ANKS1B: variants seen among roughly 807,000 people sequenced by gnomAD.
ANKS1B encodes ankyrin repeat and sterile alpha motif domain-containing protein 1B.
ANKS1B carries 36 observed loss-of-function variants against 148.3 expected under a neutral mutation model. The observed-to-expected ratio is 0.24, with a 90% CI of 0.19 to 0.32. The LOEUF (loss-of-function observed/expected upper bound fraction) is 0.32, where lower values mean the gene tolerates loss of function less well. ANKS1B is among the 10% of genes least tolerant of loss of function. The pLI, the probability that ANKS1B is intolerant of heterozygous loss-of-function variation, is 1.00. For missense variants in ANKS1B, 1,157 were observed against 1,542.6 expected, an observed-to-expected ratio of 0.75 and a Z score of 4.19; for synonymous variants, 542 against 560.8, an observed-to-expected ratio of 0.97 and a Z score of 0.47.
intron 17 of ANKS1B, among the ~76,000 whole-genome samples, chr12:99,040,574 C>T (rs545940940): frequency 1.3e-5 from 2 of 152,282 alleles, no homozygotes; most frequent in South Asian, 2.1e-4. Context: ...TATAAAATAA[C>T]AGGAACTGGT....
intron 1 of ANKS1B, among the ~76,000 whole-genome samples, chr12:99,895,961 A>G (rs2093368601): frequency 6.6e-6 from 1 of 150,938 alleles, no homozygotes; most frequent in Non-Finnish European, 1.5e-5. Context: ...TGCATTGGCT[A>G]TTTTTTAATT....
At chr12:98,979,540 G>A (rs1263082123) in intron 17 of ANKS1B, among the ~76,000 whole-genome samples, 1 of 152,128 alleles carries the variant, frequency 6.6e-6, no homozygotes, top group Non-Finnish European at 1.5e-5. Flanking sequence ...CAAAGTGCTG[G>A]GATTACAGGC....
intron 14 of ANKS1B, among the ~76,000 whole-genome samples, chr12:99,177,900 T>C (rs1344543515): frequency 6.6e-6 from 1 of 152,244 alleles, no homozygotes. Flanking sequence ...ATATTCATGG[T>C]TAACTTCAAT....
At chr12:99,010,746 T>C (rs1298652271) in intron 17 of ANKS1B, among the ~76,000 whole-genome samples, 1 of 130,278 alleles carries the variant, frequency 7.7e-6, no homozygotes, top group African/African-American at 3.4e-5. Context: ...ATTATTATTA[T>C]TATTATTATT....
chr12:99,323,168 A>C (rs982686298), intron 12 of ANKS1B, among the ~76,000 whole-genome samples: 1 of 152,186 alleles, frequency 6.6e-6, no homozygotes, highest in African/African-American at 2.4e-5. Context: ...ATACTGATAT[A>C]TCCTCTTTTA....
At chr12:98,871,817 A>C (rs2099670849) in intron 17 of ANKS1B, among the ~76,000 whole-genome samples, 1 of 152,202 alleles carries the variant, frequency 6.6e-6, no homozygotes, top group Non-Finnish European at 1.5e-5. Flanking sequence ...AGCAACGTGA[A>C]ATCTCATCAC....
At chr12:98,869,230 T>A (rs1282056424) in intron 17 of ANKS1B, among the ~76,000 whole-genome samples, 1 of 152,228 alleles carries the variant, frequency 6.6e-6, no homozygotes, top group Non-Finnish European at 1.5e-5. Context: ...CAGTGCTTGA[T>A]GCATGCTTGG....
intron 17 of ANKS1B, among the ~76,000 whole-genome samples, chr12:98,929,026 T>C (rs1340989799): frequency 6.7e-6 from 1 of 149,304 alleles, no homozygotes; most frequent in African/African-American, 2.5e-5. Flanking sequence ...GTGATCGTTA[T>C]ATAGAAAACC....
chr12:99,434,722 C>A (rs1446933609), intron 11 of ANKS1B, among the ~76,000 whole-genome samples: 2 of 151,960 alleles, frequency 1.3e-5, no homozygotes, highest in Non-Finnish European at 2.9e-5. Context: ...ACTCAATTTT[C>A]TTTTGTTTCT....
chr12:99,811,410 T>C (rs1313264695), intron 3 of ANKS1B, among the ~76,000 whole-genome samples: 2 of 151,996 alleles, frequency 1.3e-5, no homozygotes, highest in Middle Eastern at 3.4e-3. Flanking sequence ...TTTTACAAAA[T>C]GGGAACAGTA....
At chr12:99,376,310 G>T (rs1021994420) in intron 12 of ANKS1B, among the ~76,000 whole-genome samples, 16 of 152,198 alleles carry the variant, frequency 1.1e-4, no homozygotes, top group African/African-American at 3.9e-4. Flanking sequence ...AATTTTATTT[G>T]CTTTCCTCTT....
chr12:99,158,501 T>C (rs1434133948), intron 14 of ANKS1B, among the ~76,000 whole-genome samples: 1 of 152,128 alleles, frequency 6.6e-6, no homozygotes, highest in East Asian at 1.9e-4. Context: ...GGGGTTTTAC[T>C]CCCATAATGG....
chr12:99,524,825 TG>T (rs1337004385), intron 9 of ANKS1B, among the ~76,000 whole-genome samples: 2 of 152,120 alleles, frequency 1.3e-5, no homozygotes, highest in African/African-American at 4.8e-5. Flanking sequence ...AGAACAGTAT[TG>T]GGGAACTGCC....
At chr12:99,568,264 T>C (rs1196260725) in intron 9 of ANKS1B, among the ~76,000 whole-genome samples, 1 of 152,192 alleles carries the variant, frequency 6.6e-6, no homozygotes, top group Non-Finnish European at 1.5e-5. Context: ...CCTCTTCCTC[T>C]ACCTTCAAAA....
intron 17 of ANKS1B, among the ~76,000 whole-genome samples, chr12:98,878,587 T>C (rs2099698029): frequency 6.6e-6 from 1 of 152,036 alleles, no homozygotes; most frequent in Non-Finnish European, 1.5e-5. Flanking sequence ...ACACCATAGA[T>C]AGGTAATAAA....
At chr12:99,780,079 G>A (rs2064094950) in intron 5 of ANKS1B, 107 bp from the exon 6 acceptor site, 1 of 797,164 alleles carries the variant, frequency 1.3e-6, no homozygotes, top group South Asian at 1.6e-5. Context: ...ACCAAGCATT[G>A]AAAGTGATTT....
intron 9 of ANKS1B, among the ~76,000 whole-genome samples, chr12:99,615,291 CT>C (rs1567481900): frequency 6.6e-6 from 1 of 152,058 alleles, no homozygotes; most frequent in Non-Finnish European, 1.5e-5. Flanking sequence ...ACTTGTTGTC[CT>C]TTCTTATATT....
intron 12 of ANKS1B, among the ~76,000 whole-genome samples, chr12:99,283,599 G>A (rs1365869224): frequency 2.0e-5 from 3 of 152,144 alleles, no homozygotes; most frequent in Non-Finnish European, 2.9e-5. Context: ...TTTAATTTCA[G>A]AGGATTTGTT....
intron 19 of ANKS1B, among the ~76,000 whole-genome samples, chr12:98,808,942 C>CATA (rs1361285528): frequency 6.6e-6 from 1 of 152,044 alleles, no homozygotes; most frequent in Non-Finnish European, 1.5e-5. Flanking sequence ...GTTAAGAGGC[C>CATA]CGGCAAAGAA....
Sources: allele counts gnomAD v4.1 joint callset (sites outside exome capture counted in the v4.1 genomes callset), GRCh38; gene constraint gnomAD v4.1.1; transcripts MANE v1.5; gene names NCBI Gene and HGNC (gene_info 2026-07-23, HGNC 2026-07-21).